The following ANKRD17 variants were observed in gnomAD, a reference collection of about 807,000 sequenced individuals.
The protein encoded by ANKRD17 is ankyrin repeat domain 17, also known as ankyrin repeat domain-containing protein 17.
ANKRD17 carries 19 observed loss-of-function variants against 229.7 expected under a neutral mutation model. The observed-to-expected ratio is 0.08, with a 90% CI of 0.06 to 0.12. The LOEUF is 0.12. ANKRD17 is among the 10% of genes least tolerant of loss of function. The pLI is 1.00. For missense variants in ANKRD17, 2,176 were observed against 3,176.8 expected (o/e 0.68, Z 7.57); for synonymous variants, 1,112 against 1,146.1 (o/e 0.97, Z 0.60).
intron 1 of ANKRD17, among the ~76,000 whole-genome samples, chr4:73,224,259 A>G (rs1014127836): frequency 6.6e-6 from 1 of 152,182 alleles, no homozygotes; most frequent in Admixed American, 6.5e-5. Context: ...AAAAAGGAAC[A>G]ATGTTTTATG....
Position 73,120,145 on chromosome 4 carries a change from G to A in ANKRD17, c.4025+17C>T. 4 of 1,611,342 alleles carry A rather than the reference G, an allele frequency of 2.5e-6. No homozygotes were observed. The highest frequency in any genetic ancestry group is 3.4e-6 in the Non-Finnish European group (4 of 1,177,568). On this transcript the variant is annotated intron_variant, in intron 21 of 33. Transcript: ENST00000358602. ...TAACACTTGTGTTCATATATGAAGG[G>A]TATGGTAACAACATACCTGCCAATA...
chr4:73,250,553 G>A (rs1344635213), intron 1 of ANKRD17, among the ~76,000 whole-genome samples: 17 of 111,996 alleles, frequency 1.5e-4, no homozygotes, highest in African/African-American at 5.7e-4. Context: ...TGAGCCGAGA[G>A]CACGCCACTG....
intron 1 of ANKRD17, among the ~76,000 whole-genome samples, chr4:73,210,377 T>C (rs544180083): frequency 6.6e-6 from 1 of 152,198 alleles, no homozygotes; most frequent in East Asian, 1.9e-4. Flanking sequence ...TTTCATGAAA[T>C]ATTTATAAGA....
intron 24 of ANKRD17, among the ~76,000 whole-genome samples, chr4:73,108,219 A>C (rs952484876): frequency 2.6e-5 from 4 of 152,178 alleles, no homozygotes; most frequent in Non-Finnish European, 4.4e-5. Flanking sequence ...CCTGAGCAAT[A>C]AGAGTTGTGG....
chr4:73,135,292 T>C (rs762561409), intron 15 of ANKRD17, 27 bp from the exon 16 acceptor site: 1 of 1,595,282 alleles, frequency 6.3e-7, no homozygotes, highest in East Asian at 2.3e-5. Flanking sequence ...CTGCACTTAA[T>C]AAGGATGAAA....
At chr4:73,238,527 TAAAAC>T (rs1743718462) in intron 1 of ANKRD17, among the ~76,000 whole-genome samples, 1 of 152,100 alleles carries the variant, frequency 6.6e-6, no homozygotes, top group African/African-American at 2.4e-5. Context: ...CAAGATGAAA[TAAAAC>T]AGAGCAGTAT....
chr4:73,123,601 G>T (rs900081458), intron 18 of ANKRD17, among the ~76,000 whole-genome samples: 1 of 151,964 alleles, frequency 6.6e-6, no homozygotes, highest in African/African-American at 2.4e-5. Context: ...ACTGTTAATA[G>T]ATTTCAGTTC....
chr4:73,149,088 A>G, intron 7 of ANKRD17, 38 bp from the exon 8 acceptor site: 6 of 1,561,578 alleles, frequency 3.8e-6, no homozygotes, highest in Non-Finnish European at 4.4e-6. Flanking sequence ...AATCAGCACC[A>G]TTAAAAAAAT....
At chr4:73,105,130 TG>T (rs994583842) in intron 24 of ANKRD17, among the ~76,000 whole-genome samples, 97 of 152,242 alleles carry the variant, frequency 6.4e-4, no homozygotes, top group African/African-American at 2.1e-3. Flanking sequence ...GGAAACCTTC[TG>T]GGGGGAGATA....
chr4:73,206,286 C>CA (rs1378517449), intron 1 of ANKRD17, among the ~76,000 whole-genome samples: 47 of 152,086 alleles, frequency 3.1e-4, no homozygotes, highest in Admixed American at 1.6e-3. Context: ...TCTGCACTCC[C>CA]ACCCATGTTC....
chr4:73,174,170 T>C (rs1008554153), intron 2 of ANKRD17, among the ~76,000 whole-genome samples: 1 of 143,418 alleles, frequency 7.0e-6, no homozygotes, highest in African/African-American at 2.5e-5. Flanking sequence ...TGAACATAGA[T>C]GCAAAAATCC....
chr4:73,229,549 T>C (rs1185351532), intron 1 of ANKRD17, among the ~76,000 whole-genome samples: 1 of 150,884 alleles, frequency 6.6e-6, no homozygotes, highest in African/African-American at 2.4e-5. Flanking sequence ...ATTTAAAAAA[T>C]CCTTATCAAA....
intron 2 of ANKRD17, among the ~76,000 whole-genome samples, chr4:73,173,483 G>A (rs569465146): frequency 1.3e-5 from 2 of 152,302 alleles, no homozygotes; most frequent in South Asian, 2.1e-4. Context: ...ACTTGGATGG[G>A]CAGAATAGCA....
chr4:73,073,379 A>G lies in ANKRD17; in HGVS notation c.*2852T>C, dbSNP rs1162968868. 1.3e-5 allele frequency: 2 copies of G among 152,122 alleles called. No homozygotes were observed. The highest frequency in any genetic ancestry group is 2.9e-5 in the Non-Finnish European group (2 of 67,958). 9.4% of individuals were successfully genotyped at this position (152,122 alleles called of 1,614,324 possible). A position where few individuals can be genotyped will look rare whatever the true frequency, so the allele number is the denominator to read the frequency against. ...GGAATAAGTGTTGTGAAAAACATCA[A>G]CATGAAAATAGATTTAATAAACTAG... On this transcript the variant is annotated 3_prime_UTR_variant, in exon 34 of 34. Transcript: ENST00000358602.
chr4:73,164,496 A>C (rs546365267), intron 2 of ANKRD17, among the ~76,000 whole-genome samples: 1 of 152,314 alleles, frequency 6.6e-6, no homozygotes, highest in African/African-American at 2.4e-5. Flanking sequence ...TGAATATTAA[A>C]GTGAAGATCG....
intron 1 of ANKRD17, among the ~76,000 whole-genome samples, chr4:73,193,523 C>T (rs1057067228): frequency 1.9e-4 from 29 of 152,194 alleles, no homozygotes; most frequent in African/African-American, 5.1e-4. Flanking sequence ...TATCTTCTGG[C>T]TTTTCCCCCC....
At chr4:73,203,758 C>T (rs1268722558) in intron 1 of ANKRD17, among the ~76,000 whole-genome samples, 1 of 82,166 alleles carries the variant, frequency 1.2e-5, no homozygotes, top group Non-Finnish European at 2.2e-5. Context: ...GACTCCGTCT[C>T]AAAAAAAAAA....
chr4:73,125,858 C>T (rs891784195), intron 16 of ANKRD17, among the ~76,000 whole-genome samples: 4 of 151,830 alleles, frequency 2.6e-5, no homozygotes, highest in East Asian at 1.9e-4. Context: ...CTTTCAATCA[C>T]GTGATTGAAA....
chr4:73,130,451 T>C (rs1728050030), intron 16 of ANKRD17, among the ~76,000 whole-genome samples: 2 of 152,170 alleles, frequency 1.3e-5, no homozygotes. Context: ...AAAATATTCA[T>C]ATAATACTTA....
Sources: allele counts gnomAD v4.1 joint callset (sites outside exome capture counted in the v4.1 genomes callset), GRCh38; gene constraint gnomAD v4.1.1; transcripts MANE v1.5; gene names NCBI Gene and HGNC (gene_info 2026-07-23, HGNC 2026-07-21).